Variants in ANKS3 observed in about 807,000 individuals in gnomAD.
ANKS3 encodes ankyrin repeat and sterile alpha motif domain containing 3, also known as ankyrin repeat and SAM domain-containing protein 3.
ANKS3 carries 62 observed loss-of-function variants against 80.7 expected under a neutral mutation model. The ratio of observed to expected loss-of-function variants is 0.77; its 90% CI spans 0.63 to 0.95. The LOEUF (loss-of-function observed/expected upper bound fraction) is 0.95, where lower values mean the gene tolerates loss of function less well. ANKS3 is among the 40% of genes least tolerant of loss of function. The pLI is 0.00. For synonymous variants in ANKS3, 489 were observed against 355.3 expected, an observed-to-expected ratio of 1.38 and a Z score of -4.23; for missense variants, 1,150 against 883.6, an observed-to-expected ratio of 1.30 and a Z score of -3.82.
intron 6 of ANKS3, among the ~76,000 whole-genome samples, chr16:4,715,541 A>C (rs188153795): frequency 6.6e-6 from 1 of 152,204 alleles, no homozygotes; most frequent in South Asian, 2.1e-4. Context: ...CGCTGCAGCG[A>C]GCTGAGATCG....
intron 6 of ANKS3, among the ~76,000 whole-genome samples, chr16:4,720,330 C>T (rs746422166): frequency 1.0e-4 from 15 of 150,554 alleles, no homozygotes; most frequent in African/African-American, 2.2e-4. Context: ...GGCATGGTGG[C>T]GAGTGCCTAC....
At chr16:4,710,226 G>C (rs1384952285) in intron 7 of ANKS3, among the ~76,000 whole-genome samples, 1 of 152,134 alleles carries the variant, frequency 6.6e-6, no homozygotes, top group Non-Finnish European at 1.5e-5. Flanking sequence ...CGGAACAACA[G>C]CTTATACCTC....
intron 6 of ANKS3, among the ~76,000 whole-genome samples, chr16:4,719,248 C>T (rs961020907): frequency 9.9e-5 from 15 of 152,104 alleles, no homozygotes; most frequent in African/African-American, 3.6e-4. Flanking sequence ...GCAAGGATCC[C>T]TTGAACCTGG....
intron 5 of ANKS3, among the ~76,000 whole-genome samples, chr16:4,725,763 G>T (rs951524243): frequency 6.6e-6 from 1 of 152,110 alleles, no homozygotes; most frequent in Admixed American, 6.6e-5. Flanking sequence ...GGTTTCAAGT[G>T]ATTCTCCCGC....
Position 4,697,075 on chromosome 16 carries a change from G to C in ANKS3, c.1924C>G (p.Leu642Val). The change falls in exon 17 of 18, where the codon CTG (leucine) becomes GTG (valine). Residue 642 changes from leucine (L) to valine (V), a missense_variant. Transcript: ENST00000304283. ...CCGTTCAGCACCTGCAGCTTCTCCA[G>C]GCTCTGGGTCACTAAGCACAGTGCT... is the stretch of plus-strand genomic sequence containing the variant. ...GQALCLVTQSLEKLQVLNGKK... is the reference protein window; with the variant it reads ...GQALCLVTQSVEKLQVLNGKK... The C allele has an allele frequency of 6.2e-7, 1 of 1,613,884 alleles. No individual in the cohort carries two copies. The highest frequency in any genetic ancestry group is 8.5e-7 in the Non-Finnish European group (1 of 1,179,994).
chr16:4,723,196 T>A (rs1366471038), intron 6 of ANKS3, among the ~76,000 whole-genome samples: 1 of 152,180 alleles, frequency 6.6e-6, no homozygotes, highest in Non-Finnish European at 1.5e-5. Context: ...AGTCACCCAC[T>A]TACAATGTAC....
At chr16:4,718,724 G>C (rs1217624777) in intron 6 of ANKS3, among the ~76,000 whole-genome samples, 1 of 152,172 alleles carries the variant, frequency 6.6e-6, no homozygotes, top group African/African-American at 2.4e-5. Flanking sequence ...CAGGCCATCG[G>C]GCCACCTGCT....
Position 4,701,110 on chromosome 16 carries a change from A to G in ANKS3, c.1144T>C (p.Ser382Pro). 6.2e-7 allele frequency: 1 copy of G among 1,613,938 alleles called. No individual in the cohort carries two copies. Among genetic ancestry groups the G allele is most frequent in the African/African-American group, 1.3e-5 (1 of 74,996 alleles). Residue 382 changes from serine to proline, a missense_variant, in exon 11 of 18, where the codon TCA (serine) becomes CCA (proline). Transcript: ENST00000304283. ...NEDSDHACKS[S>P]ARKQAKSYMK... ...TAACTTTTAGCTTGTTTGCGAGCTG[A>G]GCTTTTACAGGCATGATCCGAGTCC...
rs759794488 is a variant in ANKS3 at position 4,697,055 on chromosome 16, C to G, written c.1944G>C (p.Leu648=). Residue 648 remains leucine, a synonymous_variant, in exon 17 of 18, where the codon CTG becomes CTC. Transcript: ENST00000304283. The part of the protein sequence containing the change: ...VTQSLEKLQV[L]NGKKWRET ...AGGTCTCCCGCCACTTCTTCCCGTT[C>G]AGCACCTGCAGCTTCTCCAGGCTCT... 2 of 1,613,798 alleles carry G rather than the reference C, an allele frequency of 1.2e-6. No homozygotes were observed. The highest frequency in any genetic ancestry group is 1.7e-6 in the Non-Finnish European group (2 of 1,180,008).
Position 4,728,324 on chromosome 16 carries a change from G to A in ANKS3, c.171-1147C>T, listed in dbSNP as rs144639945. ...CCTCCCAAAGTGCTGGATTACAGGC[G>A]TGAGCCACCGCGCCCAGCCGGGATT... On this transcript the variant is annotated intron_variant, in intron 3 of 17. Coordinates refer to ENST00000304283, the MANE Select transcript of ANKS3 (RefSeq NM_133450.4). Among the ~76,000 whole-genome samples the A allele has an allele frequency of 6.6e-3, 998 of 152,238 alleles. 9 individuals are homozygous for A. The highest frequency in any genetic ancestry group is 0.023 in the African/African-American group (956 of 41,544).
chr16:4,721,542 T>A (rs1017551176), intron 6 of ANKS3, among the ~76,000 whole-genome samples: 1 of 150,720 alleles, frequency 6.6e-6, no homozygotes, highest in African/African-American at 2.4e-5. Flanking sequence ...GACCAGGAGG[T>A]CAAGGCTGCA....
chr16:4,715,728 T>C (rs1019658873), intron 6 of ANKS3, among the ~76,000 whole-genome samples: 2 of 152,024 alleles, frequency 1.3e-5, no homozygotes, highest in Non-Finnish European at 2.9e-5. Context: ...TTAAGTTATT[T>C]ACTATTTTTG....
At position 4,699,051 on chromosome 16, in the gene ANKS3, C is replaced by A; in HGVS notation, c.1409+1G>T. On this transcript the variant is annotated splice_donor_variant, in intron 12 of 17. Transcript: ENST00000304283. LOFTEE classifies it high-confidence loss of function. ...GGCCAGAGCGGCCCTTCTGGACGCA[C>A]GTGATGCCAATTTCCTTCAGGTCGC... The A allele has an allele frequency of 6.2e-7, 1 of 1,614,188 alleles. No homozygotes were observed. Among genetic ancestry groups the A allele is most frequent in the African/African-American group, 1.3e-5 (1 of 75,064 alleles).
intron 6 of ANKS3, among the ~76,000 whole-genome samples, chr16:4,721,374 C>T (rs1000348445): frequency 1.3e-4 from 19 of 150,554 alleles, no homozygotes; most frequent in African/African-American, 3.2e-4. Context: ...TTTGGGAGAC[C>T]GAGGCAGGCG....
At chr16:4,699,293 G>C in intron 11 of ANKS3, 117 bp from the exon 12 acceptor site, 1 of 1,399,066 alleles carries the variant, frequency 7.1e-7, no homozygotes. Flanking sequence ...AGTGCCTTGT[G>C]TGTGGCGCCC....
In ANKS3 at chr16:4,734,135, C is replaced by T. The variant is rs1353293370; in HGVS notation, c.-268G>A. On this transcript the variant is annotated 5_prime_UTR_variant, in exon 1 of 18. Coordinates refer to ENST00000304283, the MANE Select transcript of ANKS3 (RefSeq NM_133450.4). ...CTGCAGGTGCCGGCAAGTGCTGGGG[C>T]CGGGCCGCCGCGGAACCCACCTGTG... 1.1e-5 allele frequency: 7 copies of T among 665,544 alleles called. No homozygotes were observed. The highest frequency in any genetic ancestry group is 1.3e-5 in the Non-Finnish European group (7 of 537,578). 41.2% of individuals were successfully genotyped at this position (665,544 alleles called of 1,614,324 possible). A position where few individuals can be genotyped will look rare whatever the true frequency, so the allele number is the denominator to read the frequency against.
intron 6 of ANKS3, among the ~76,000 whole-genome samples, chr16:4,718,346 A>C (rs529582776): frequency 1.6e-4 from 25 of 152,314 alleles, no homozygotes; most frequent in Non-Finnish European, 2.8e-4. Context: ...GAAAGTTTAG[A>C]AACCCTGGAA....
In ANKS3 at chr16:4,726,339, T is replaced by C. The variant is rs555884816; in HGVS notation, c.491+320A>G. Among the ~76,000 whole-genome samples the C allele has an allele frequency of 4.5e-4, 69 of 152,318 alleles. 1 individual carries two copies. Among genetic ancestry groups the C allele is most frequent in the South Asian group, 2.1e-3 (10 of 4,830 alleles). ...CAAAAAGCAAGAAAATGGAAGGAAT[T>C]TGCATGTAATGTATGACATTTAAAT... On this transcript the variant is annotated intron_variant, in intron 5 of 17. Transcript: ENST00000304283.
At chr16:4,722,905 G>A (rs185772883) in intron 6 of ANKS3, among the ~76,000 whole-genome samples, 81 of 147,200 alleles carry the variant, frequency 5.5e-4, no homozygotes, top group Non-Finnish European at 8.0e-4. Flanking sequence ...CAGCCTGGGC[G>A]ACACAGCACA....
Sources: allele counts gnomAD v4.1 joint callset (sites outside exome capture counted in the v4.1 genomes callset), GRCh38; gene constraint gnomAD v4.1.1; transcripts MANE v1.5; gene names NCBI Gene and HGNC (gene_info 2026-07-23, HGNC 2026-07-21).